FHIP1A: variants seen among roughly 807,000 people sequenced by gnomAD.
FHIP1A encodes FHF complex subunit HOOK interacting protein 1A, also known as FHF complex subunit HOOK-interacting protein 1A.
FHIP1A carries 61 observed loss-of-function variants against 88.6 expected under a neutral mutation model. That is an observed-to-expected ratio of 0.69 (90% confidence interval 0.56 to 0.85). FHIP1A has a LOEUF of 0.85. FHIP1A is among the 40% of genes least tolerant of loss of function. The pLI is 0.00. For missense variants in FHIP1A, 1,154 were observed against 1,273.5 expected, an observed-to-expected ratio of 0.91 and a Z score of 1.43; for synonymous variants, 478 against 496.0, an observed-to-expected ratio of 0.96 and a Z score of 0.48.
At chr4:151,427,282 A>G (rs1733418178) in intron 1 of FHIP1A, among the ~76,000 whole-genome samples, 1 of 152,144 alleles carries the variant, frequency 6.6e-6, no homozygotes, top group Admixed American at 6.6e-5. Context: ...ATATTTTTTC[A>G]TCAGTGATTT....
intron 11 of FHIP1A, among the ~76,000 whole-genome samples, chr4:151,654,725 G>T (rs1737164367): frequency 6.6e-6 from 1 of 152,144 alleles, no homozygotes; most frequent in South Asian, 2.1e-4. Flanking sequence ...TCAAACTGGG[G>T]TCCCTATCCA....
intron 3 of FHIP1A, among the ~76,000 whole-genome samples, chr4:151,512,255 CAGAA>C (rs1346087185): frequency 6.6e-6 from 1 of 152,100 alleles, no homozygotes; most frequent in East Asian, 1.9e-4. Flanking sequence ...AACTAACAAA[CAGAA>C]AGGACATCCA....
rs181903404 is a variant in FHIP1A at position 151,503,729 on chromosome 4, G to C, written c.-123+21081G>C. The stretch of plus-strand genomic sequence containing the variant: ...TCTTCTGGCATGCTTATTCCTTTCA[G>C]GTTCCATTTAGTTCATTGCTTCTCC... On this transcript the variant is annotated intron_variant, in intron 3 of 13. Coordinates refer to ENST00000435205, the MANE Select transcript of FHIP1A (RefSeq NM_001109977.3). Among the ~76,000 whole-genome samples the C allele has an allele frequency of 8.6e-4, 131 of 152,152 alleles. 1 individual carries two copies. The highest frequency in any genetic ancestry group is 1.4e-3 in the African/African-American group (58 of 41,504).
intron 3 of FHIP1A, among the ~76,000 whole-genome samples, chr4:151,535,146 A>G (rs1732020320): frequency 6.6e-6 from 1 of 152,148 alleles, no homozygotes. Flanking sequence ...AGCCCCGGAA[A>G]TCAAAGCTGC....
intron 3 of FHIP1A, among the ~76,000 whole-genome samples, chr4:151,538,687 C>G (rs1732158815): frequency 1.3e-5 from 2 of 152,172 alleles, no homozygotes; most frequent in Admixed American, 6.5e-5. Flanking sequence ...AGAAACTAAC[C>G]AAACTTTCTA....
At chr4:151,547,931 A>T (rs189897848) in intron 3 of FHIP1A, among the ~76,000 whole-genome samples, 1 of 152,246 alleles carries the variant, frequency 6.6e-6, no homozygotes, top group East Asian at 1.9e-4. Context: ...AAAGAAAAAA[A>T]AAAAAAGATT....
intron 1 of FHIP1A, among the ~76,000 whole-genome samples, chr4:151,426,929 C>T (rs1016699891): frequency 6.6e-6 from 1 of 152,106 alleles, no homozygotes; most frequent in Non-Finnish European, 1.5e-5. Flanking sequence ...TTTCAAGGTA[C>T]ATTTAAAATA....
chr4:151,652,857 G>T (rs907799925), intron 11 of FHIP1A, among the ~76,000 whole-genome samples: 1 of 152,228 alleles, frequency 6.6e-6, no homozygotes, highest in African/African-American at 2.4e-5. Flanking sequence ...CTTGGTTGGT[G>T]CCAGCTTATG....
intron 7 of FHIP1A, among the ~76,000 whole-genome samples, chr4:151,615,807 G>A (rs1034695262): frequency 7.9e-5 from 12 of 152,190 alleles, no homozygotes; most frequent in Non-Finnish European, 1.6e-4. Flanking sequence ...TAGTAGAGGA[G>A]AGGGGAAAAT....
chr4:151,650,388 A>G lies in FHIP1A; in HGVS notation c.2347A>G (p.Thr783Ala). Residue 783 changes from threonine (T) to alanine (A), a missense_variant, in exon 11 of 14, where the codon ACT becomes GCT. Physicochemically the swap from Thr to Ala is moderately conservative, Grantham distance 58. Transcript: ENST00000435205. Reference protein sequence around the residue: ...NYPTPDPLLLTKEEEGKEESK... With the variant: ...NYPTPDPLLLAKEEEGKEESK... ...CCCCACACCTGATCCCTTGCTTCTCACTAAGGAGGAAGAAGGGAAGGAAGA... is the reference window on the plus strand; with the variant it reads ...CCCCACACCTGATCCCTTGCTTCTCGCTAAGGAGGAAGAAGGGAAGGAAGA... 5 of 1,551,730 alleles carry G rather than the reference A, an allele frequency of 3.2e-6. No individual in the cohort carries two copies. In the East Asian group the frequency reaches 7.3e-5, roughly 23 times the overall value.
intron 8 of FHIP1A, among the ~76,000 whole-genome samples, chr4:151,638,385 G>C (rs138069224): frequency 6.6e-6 from 1 of 151,464 alleles, no homozygotes; most frequent in African/African-American, 2.4e-5. Flanking sequence ...ATTGTAGGTA[G>C]AATGTTTATC....
chr4:151,649,878 C>T lies in FHIP1A; in HGVS notation c.1837C>T (p.Pro613Ser), dbSNP rs1366012179. 2 of 1,551,500 alleles carry T rather than the reference C, an allele frequency of 1.3e-6. No individual in the cohort carries two copies. Among genetic ancestry groups the T allele is most frequent in the East Asian group, 2.4e-5 (1 of 40,908 alleles). ...EVSGPPAPID[P>S]PKHIQEMKKN... Reference sequence around the variant, plus strand: ...TTCAGGCCCCCCAGCACCCATTGATCCCCCCAAACACATCCAGGAGATGAA... The same window carrying T: ...TTCAGGCCCCCCAGCACCCATTGATTCCCCCAAACACATCCAGGAGATGAA... The change falls in exon 11 of 14, where the codon CCC becomes TCC. Residue 613 changes from proline to serine, a missense_variant. Transcript: ENST00000435205.
intron 3 of FHIP1A, among the ~76,000 whole-genome samples, chr4:151,497,036 C>G (rs1030634715): frequency 6.6e-6 from 1 of 151,906 alleles, no homozygotes; most frequent in Non-Finnish European, 1.5e-5. Flanking sequence ...ATTTTGGGAC[C>G]TGGGGATGGG....
intron 3 of FHIP1A, among the ~76,000 whole-genome samples, chr4:151,505,964 C>T (rs547727362): frequency 1.6e-4 from 25 of 152,158 alleles, no homozygotes; most frequent in African/African-American, 4.8e-5. Flanking sequence ...GCTCTGTCAC[C>T]CAAGCTGGAG....
chr4:151,528,343 G>A (rs960928079), intron 3 of FHIP1A, among the ~76,000 whole-genome samples: 1 of 152,194 alleles, frequency 6.6e-6, no homozygotes, highest in Non-Finnish European at 1.5e-5. Flanking sequence ...GCAAATTTGA[G>A]AAAGGCGCTG....
chr4:151,534,460 A>C (rs992922756), intron 3 of FHIP1A, among the ~76,000 whole-genome samples: 12 of 152,212 alleles, frequency 7.9e-5, no homozygotes, highest in African/African-American at 2.7e-4. Flanking sequence ...GGGGAGGCTG[A>C]TCTCTGTAAG....
intron 3 of FHIP1A, among the ~76,000 whole-genome samples, chr4:151,488,024 A>G (rs1489711240): frequency 2.0e-5 from 3 of 152,084 alleles, no homozygotes; most frequent in African/African-American, 7.2e-5. Context: ...CTCTACATTC[A>G]TTGTAAGGGT....
At chr4:151,653,356 GTCTCTCTC>G (rs368574549) in intron 11 of FHIP1A, among the ~76,000 whole-genome samples, 2 of 148,776 alleles carry the variant, frequency 1.3e-5, no homozygotes, top group African/African-American at 2.5e-5. Flanking sequence ...CTGTGTGTGT[GTCTCTCTC>G]TCTCTCTCTC....
At chr4:151,587,554 A>G (rs1734267332) in intron 6 of FHIP1A, among the ~76,000 whole-genome samples, 1 of 150,378 alleles carries the variant, frequency 6.6e-6, no homozygotes, top group Non-Finnish European at 1.5e-5. Flanking sequence ...TTTAGGATAC[A>G]TGTGCACAAC....
Sources: allele counts gnomAD v4.1 joint callset (sites outside exome capture counted in the v4.1 genomes callset), GRCh38; gene constraint gnomAD v4.1.1; transcripts MANE v1.5; gene names NCBI Gene and HGNC (gene_info 2026-07-23, HGNC 2026-07-21).